The following ADGRB3 variants were observed in gnomAD, a reference collection of about 807,000 sequenced individuals.
The protein encoded by ADGRB3 is adhesion G protein-coupled receptor B3.
ADGRB3 carries 37 observed loss-of-function variants against 193.4 expected under a neutral mutation model. That is an observed-to-expected ratio of 0.19 (90% CI 0.15 to 0.25). ADGRB3 has a LOEUF of 0.25. ADGRB3 is among the 10% of genes least tolerant of loss of function. ADGRB3 has a pLI of 1.00. For synonymous variants in ADGRB3, 690 were observed against 644.2 expected, an observed-to-expected ratio of 1.07 and a Z score of -1.08; for missense variants, 1,637 against 1,852.9, an observed-to-expected ratio of 0.88 and a Z score of 2.14.
At chr6:68,903,621 T>C (rs946510944) in intron 3 of ADGRB3, among the ~76,000 whole-genome samples, 11 of 152,114 alleles carry the variant, frequency 7.2e-5, no homozygotes, top group Non-Finnish European at 1.2e-4. Flanking sequence ...GTAACACTTA[T>C]AACACTCTAA....
intron 3 of ADGRB3, among the ~76,000 whole-genome samples, chr6:68,904,234 C>G (rs1326976922): frequency 1.3e-5 from 2 of 152,060 alleles, no homozygotes; most frequent in Non-Finnish European, 2.9e-5. Context: ...AATTGTAACA[C>G]AGTGGCAAGT....
chr6:68,841,140 A>G (rs918387175), intron 3 of ADGRB3, among the ~76,000 whole-genome samples: 1 of 152,212 alleles, frequency 6.6e-6, no homozygotes, highest in Admixed American at 6.5e-5. Context: ...ACAGACCCCA[A>G]TACAATAATA....
At chr6:68,745,453 A>G (rs996495307) in intron 3 of ADGRB3, among the ~76,000 whole-genome samples, 1 of 152,142 alleles carries the variant, frequency 6.6e-6, no homozygotes, top group African/African-American at 2.4e-5. Context: ...GGAAGAGAGG[A>G]GTTGTTTAAT....
chr6:68,778,131 C>T (rs1766784110), intron 3 of ADGRB3, among the ~76,000 whole-genome samples: 1 of 152,090 alleles, frequency 6.6e-6, no homozygotes, highest in Non-Finnish European at 1.5e-5. Flanking sequence ...ATTAGCATCA[C>T]TTTCTGCCAG....
intron 20 of ADGRB3, among the ~76,000 whole-genome samples, chr6:69,309,016 G>T (rs754431511): frequency 2.8e-4 from 42 of 151,620 alleles, no homozygotes; most frequent in Non-Finnish European, 4.1e-4. Flanking sequence ...ATGAGAACAA[G>T]GAAAGAACAA....
chr6:69,146,636 G>A (rs1011696449), intron 17 of ADGRB3, among the ~76,000 whole-genome samples: 1 of 152,208 alleles, frequency 6.6e-6, no homozygotes, highest in Non-Finnish European at 1.5e-5. Flanking sequence ...CTGGCTCCTT[G>A]GAGTGCACGG....
At chr6:69,029,976 G>GCATACACA (rs1554247943) in intron 13 of ADGRB3, among the ~76,000 whole-genome samples, 1 of 145,198 alleles carries the variant, frequency 6.9e-6, no homozygotes, top group Non-Finnish European at 1.5e-5. Flanking sequence ...TATATAGAAT[G>GCATACACA]CACACACACA....
In ADGRB3 at chr6:69,014,079, C is replaced by A; in HGVS notation, c.1971C>A (p.Asn657Lys). The change falls in exon 12 of 32, where the codon AAC becomes AAA. Residue 657 changes from asparagine to lysine, a missense_variant. Transcript: ENST00000370598. ...QIVSNLLDEE[N>K]KEKWEDAQQI... ...TTAGCAACCTTCTAGATGAAGAAAA[C>A]AAGGAAAAATGGGAAGATGCACAAC... 6.2e-7 allele frequency: 1 copy of A among 1,603,034 alleles called. No individual in the cohort carries two copies. Among genetic ancestry groups the A allele is most frequent in the Admixed American group, 1.7e-5 (1 of 59,204 alleles).
intron 3 of ADGRB3, among the ~76,000 whole-genome samples, chr6:68,688,010 T>A (rs1413241822): frequency 6.6e-6 from 1 of 152,166 alleles, no homozygotes; most frequent in East Asian, 1.9e-4. Context: ...AGAAATATAA[T>A]GTTATCTCTA....
intron 17 of ADGRB3, 71 bp from the exon 18 acceptor site, chr6:69,233,219 T>G: frequency 1.3e-6 from 2 of 1,572,822 alleles, no homozygotes; most frequent in Non-Finnish European, 1.7e-6. Context: ...TTAAACTGCA[T>G]TTTCTTCTTT....
At chr6:68,714,595 G>A (rs1269270812) in intron 3 of ADGRB3, among the ~76,000 whole-genome samples, 1 of 151,790 alleles carries the variant, frequency 6.6e-6, no homozygotes, top group Non-Finnish European at 1.5e-5. Flanking sequence ...AAAAGTATAT[G>A]TAATGAAGAT....
In ADGRB3 at chr6:68,884,252, C is replaced by T. The variant is rs554209419; in HGVS notation, c.758-46307C>T. 4.7e-4 allele frequency among the ~76,000 whole-genome samples: 71 copies of T among 152,248 alleles called. 1 individual carries two copies. The highest frequency in any genetic ancestry group is 1.4e-3 in the African/African-American group (58 of 41,552). Reference sequence around the variant, plus strand: ...TTCATGTAAGGCACAGTGCCAGGCACGGGGATGTGTCAGGAGAGTGAAGAG... The same window carrying T: ...TTCATGTAAGGCACAGTGCCAGGCATGGGGATGTGTCAGGAGAGTGAAGAG... On this transcript the variant is annotated intron_variant, in intron 3 of 31. Transcript: ENST00000370598.
At chr6:69,098,703 A>G (rs550510417) in intron 17 of ADGRB3, among the ~76,000 whole-genome samples, 3 of 152,318 alleles carry the variant, frequency 2.0e-5, no homozygotes, top group Middle Eastern at 6.8e-3. Context: ...TTGGACAAGG[A>G]CACAAAACCA....
At chr6:69,269,363 A>G (rs1040670239) in intron 20 of ADGRB3, among the ~76,000 whole-genome samples, 3 of 152,186 alleles carry the variant, frequency 2.0e-5, no homozygotes, top group African/African-American at 7.2e-5. Context: ...TCAAACATTT[A>G]CAAATGTGTC....
At position 69,021,258 on chromosome 6, in the gene ADGRB3, A is replaced by G. The variant is rs138465260; in HGVS notation, c.2107+2759A>G. The stretch of plus-strand genomic sequence containing the variant: ...AACTTCAAAAATCATAATGTATTTT[A>G]GAGAGATTATAAATTATTTTTTCAT... On this transcript the variant is annotated intron_variant, in intron 13 of 31. Transcript: ENST00000370598. Among the ~76,000 whole-genome samples, 659 of 152,060 alleles carry G rather than the reference A, an allele frequency of 4.3e-3. 7 individuals are homozygous for G. The highest frequency in any genetic ancestry group is 0.015 in the African/African-American group (641 of 41,548).
At chr6:69,163,760 C>A (rs533534792) in intron 17 of ADGRB3, among the ~76,000 whole-genome samples, 2 of 152,194 alleles carry the variant, frequency 1.3e-5, no homozygotes, top group South Asian at 2.1e-4. Flanking sequence ...AGTAATTAAG[C>A]AACCTATACT....
chr6:69,182,772 A>C (rs1002189778), intron 17 of ADGRB3, among the ~76,000 whole-genome samples: 3 of 147,918 alleles, frequency 2.0e-5, no homozygotes, highest in African/African-American at 7.5e-5. Context: ...CCTAATTTGT[A>C]GCATTTGTCA....
Position 69,372,561 on chromosome 6 carries a change from A to G in ADGRB3, c.4275+120A>G, listed in dbSNP as rs1343703693. 191 of 419,660 alleles carry G rather than the reference A, an allele frequency of 4.6e-4. 2 individuals carry two copies. Among genetic ancestry groups the G allele is most frequent in the African/African-American group, 2.1e-5 (1 of 48,438 alleles). The allele number at this position is 419,660 out of a possible 1,614,324, so 26.0% of individuals were successfully genotyped here. A position where few individuals can be genotyped will look rare whatever the true frequency, so the allele number is the denominator to read the frequency against. ...GGGTATTATGTACTAATTTAATTAAATAAGTCAAACATTTTTAATTAAAGT... is the reference window on the plus strand; with the variant it reads ...GGGTATTATGTACTAATTTAATTAAGTAAGTCAAACATTTTTAATTAAAGT... On this transcript the variant is annotated intron_variant, in intron 30 of 31. Transcript: ENST00000370598.
chr6:68,789,161 G>T (rs1386893693), intron 3 of ADGRB3, among the ~76,000 whole-genome samples: 1 of 151,970 alleles, frequency 6.6e-6, no homozygotes, highest in Admixed American at 6.6e-5. Context: ...TACATTTAAA[G>T]TTAATATTGT....
Sources: gnomAD v4.1 joint callset for allele counts (sites outside exome capture counted in the v4.1 genomes callset) on GRCh38, gnomAD v4.1.1 for gene constraint, MANE v1.5 for transcripts, NCBI Gene and HGNC (gene_info 2026-07-23, HGNC 2026-07-21) for gene names.